The following PRKCA variants were observed in gnomAD, a reference collection of about 807,000 sequenced individuals.
PRKCA encodes protein kinase C alpha type.
A neutral mutation model predicts 87.0 loss-of-function variants in PRKCA; 27 were observed. That is an observed-to-expected ratio of 0.31 (90% CI 0.23 to 0.43). The LOEUF is 0.43. Among genes scored for constraint, PRKCA ranks in the 20% least tolerant of loss-of-function variants. The probability of loss-of-function intolerance (pLI) is 1.00; values close to 1 mark genes in which losing one functional copy is unlikely to be tolerated. For missense variants in PRKCA, 518 were observed against 852.3 expected, an observed-to-expected ratio of 0.61 and a Z score of 4.88; for synonymous variants, 329 against 311.1, an observed-to-expected ratio of 1.06 and a Z score of -0.61.
chr17:66,775,451 A>G (rs61762773), intron 14 of PRKCA: 218,264 of 985,280 alleles, frequency 0.22, 24,430 homozygotes, highest in East Asian at 0.29. Context: ...GAAGTATAGC[A>G]TATCTGAGAG....
chr17:66,386,980 CT>C (rs1910098358), intron 2 of PRKCA, among the ~76,000 whole-genome samples: 1 of 152,140 alleles, frequency 6.6e-6, no homozygotes, highest in South Asian at 2.1e-4. Flanking sequence ...TCTCAGTGGT[CT>C]TCAGACTTGT....
At chr17:66,801,542 C>G (rs138965347) in intron 16 of PRKCA, among the ~76,000 whole-genome samples, 1 of 152,344 alleles carries the variant, frequency 6.6e-6, no homozygotes, top group East Asian at 1.9e-4. Flanking sequence ...CGATTAATTT[C>G]TAGGAAGAAA....
intron 2 of PRKCA, among the ~76,000 whole-genome samples, chr17:66,341,475 G>T (rs188614717): frequency 1.3e-5 from 2 of 152,310 alleles, no homozygotes; most frequent in Admixed American, 1.3e-4. Flanking sequence ...AAATCTGGGT[G>T]CCAGTAATTC....
intron 5 of PRKCA, among the ~76,000 whole-genome samples, chr17:66,686,562 G>A (rs1012563906): frequency 6.6e-6 from 1 of 152,150 alleles, no homozygotes; most frequent in East Asian, 1.9e-4. Context: ...TAATTCTGGG[G>A]ATTAGAATTT....
intron 3 of PRKCA, among the ~76,000 whole-genome samples, chr17:66,631,293 A>T (rs1971005135): frequency 6.6e-6 from 1 of 152,064 alleles, no homozygotes; most frequent in Non-Finnish European, 1.5e-5. Flanking sequence ...ACGGTAAATA[A>T]TTTTTTTTAG....
At chr17:66,578,081 C>T (rs1969295588) in intron 3 of PRKCA, among the ~76,000 whole-genome samples, 1 of 151,768 alleles carries the variant, frequency 6.6e-6, no homozygotes, top group African/African-American at 2.4e-5. Context: ...CTTTGAAATG[C>T]CAAATTCAGA....
rs139076347 is a variant in PRKCA, at chr17:66,807,571, G to C, written c.*3534G>C. 1 of 152,222 alleles carries C rather than the reference G, an allele frequency of 6.6e-6. No individual in the cohort carries two copies. The highest frequency in any genetic ancestry group is 2.1e-4 in the South Asian group (1 of 4,834). The allele number at this position is 152,222 out of a possible 1,614,324, so 9.4% of individuals were successfully genotyped here. A position where few individuals can be genotyped will look rare whatever the true frequency, so the allele number is the denominator to read the frequency against. On this transcript the variant is annotated 3_prime_UTR_variant, in exon 17 of 17. Transcript: ENST00000413366. This position sits in a 1 kb window ranked among gnomAD's most constrained non-coding sequence, Gnocchi z 4.3. The stretch of plus-strand genomic sequence containing the variant: ...TCCCTTCCTTTCATCCACTGGCCTC[G>C]TGTGGTCCATGCAGGGCCACTGTCT...
At chr17:66,657,412 T>C (rs1189673492) in intron 5 of PRKCA, among the ~76,000 whole-genome samples, 1 of 152,152 alleles carries the variant, frequency 6.6e-6, no homozygotes, top group Non-Finnish European at 1.5e-5. Flanking sequence ...AAGGAAGTGT[T>C]GTTTCATCAA....
chr17:66,503,646 A>G (rs1916846922), intron 3 of PRKCA, among the ~76,000 whole-genome samples: 1 of 152,232 alleles, frequency 6.6e-6, no homozygotes, highest in African/African-American at 2.4e-5. Flanking sequence ...ATGTCTAGAA[A>G]GCAAAATTGC....
chr17:66,769,536 A>G (rs1974885834), intron 13 of PRKCA, among the ~76,000 whole-genome samples: 1 of 152,086 alleles, frequency 6.6e-6, no homozygotes, highest in African/African-American at 2.4e-5. Context: ...GTCCCCCAGG[A>G]CCATCTTGAG....
intron 5 of PRKCA, among the ~76,000 whole-genome samples, chr17:66,660,616 G>C (rs555814066): frequency 6.6e-6 from 1 of 152,266 alleles, no homozygotes; most frequent in South Asian, 2.1e-4. Context: ...CCGGCCGGGC[G>C]CGATGGCTCA....
At chr17:66,701,379 A>T (rs1973059324) in intron 8 of PRKCA, among the ~76,000 whole-genome samples, 1 of 152,170 alleles carries the variant, frequency 6.6e-6, no homozygotes, top group Non-Finnish European at 1.5e-5. Context: ...AAGCTTCATG[A>T]CATTGGTCTT....
At chr17:66,343,712 G>A (rs77549618) in intron 2 of PRKCA, among the ~76,000 whole-genome samples, 1 of 152,094 alleles carries the variant, frequency 6.6e-6, no homozygotes, top group African/African-American at 2.4e-5. Flanking sequence ...AGATATAAAG[G>A]GGGGGTTGAA....
chr17:66,694,478 C>G (rs192728692), intron 8 of PRKCA, among the ~76,000 whole-genome samples: 82 of 64,784 alleles, frequency 1.3e-3, no homozygotes, highest in Admixed American at 5.0e-3. Context: ...GAGACTCTGT[C>G]TCAAAAAAAA....
At chr17:66,755,478 C>T (rs927586306) in intron 13 of PRKCA, among the ~76,000 whole-genome samples, 2 of 152,236 alleles carry the variant, frequency 1.3e-5, no homozygotes, top group Non-Finnish European at 2.9e-5. Context: ...CGCTGAACCC[C>T]ACTGCCTGGC....
At chr17:66,486,625 C>G (rs761016713) in intron 2 of PRKCA, among the ~76,000 whole-genome samples, 11 of 152,096 alleles carry the variant, frequency 7.2e-5, no homozygotes, top group Non-Finnish European at 1.3e-4. Flanking sequence ...TGGGTGTTTC[C>G]AGGACTCGCC....
chr17:66,593,432 A>G (rs2143552393), intron 3 of PRKCA, among the ~76,000 whole-genome samples: 1 of 152,308 alleles, frequency 6.6e-6, no homozygotes, highest in South Asian at 2.1e-4. Context: ...CAAGACCCAT[A>G]AGCATCACAG....
chr17:66,511,683 CT>C (rs11384474), intron 3 of PRKCA, among the ~76,000 whole-genome samples: 2,160 of 141,590 alleles, frequency 0.015, 36 homozygotes, highest in African/African-American at 0.048. Context: ...ATATAGTGAA[CT>C]TTTTTTTTTT....
chr17:66,529,281 C>T (rs1181605229), intron 3 of PRKCA, among the ~76,000 whole-genome samples: 1 of 152,150 alleles, frequency 6.6e-6, no homozygotes, highest in Admixed American at 6.5e-5. Flanking sequence ...TTTTGTCCAG[C>T]GATTTCCAAG....
Sources: gnomAD v4.1 joint callset for allele counts (sites outside exome capture counted in the v4.1 genomes callset) on GRCh38, gnomAD v4.1.1 for gene constraint, Gnocchi (gnomAD v3.1) non-coding constraint, MANE v1.5 for transcripts, NCBI Gene and HGNC (gene_info 2026-07-23, HGNC 2026-07-21) for gene names.